The following CNNM2 variants were observed in gnomAD, a reference collection of about 807,000 sequenced individuals.
The protein encoded by CNNM2 is metal transporter CNNM2.
Under a neutral mutation model 66.9 loss-of-function variants are expected in CNNM2, and 12 were observed. That is an observed-to-expected ratio of 0.18 (90% CI 0.11 to 0.29). The LOEUF (loss-of-function observed/expected upper bound fraction) is 0.29. Among genes scored for constraint, CNNM2 ranks in the 10% least tolerant of loss-of-function variants. The pLI is 1.00. For missense variants in CNNM2, 705 were observed against 1,167.7 expected (o/e 0.60, Z 5.77); for synonymous variants, 557 against 501.8 (o/e 1.11, Z -1.47).
At chr10:103,052,719 G>C (rs1045659834) in intron 2 of CNNM2, among the ~76,000 whole-genome samples, 1 of 152,100 alleles carries the variant, frequency 6.6e-6, no homozygotes, top group Non-Finnish European at 1.5e-5. Flanking sequence ...TCACCATGTT[G>C]TTCAGGCTGG....
chr10:102,985,148 G>A (rs2063776917), intron 1 of CNNM2, among the ~76,000 whole-genome samples: 1 of 152,058 alleles, frequency 6.6e-6, no homozygotes, highest in African/African-American at 2.4e-5. Context: ...TTCCTGCTTT[G>A]TGTAGGAAAC....
chr10:102,944,253 A>C (rs1846531532), intron 1 of CNNM2, among the ~76,000 whole-genome samples: 2 of 151,640 alleles, frequency 1.3e-5, no homozygotes. Context: ...TAGTTTTTGT[A>C]TTTTTAATAA....
intron 1 of CNNM2, among the ~76,000 whole-genome samples, chr10:102,989,945 A>G (rs1383765458): frequency 2.7e-5 from 4 of 150,584 alleles, no homozygotes; most frequent in Non-Finnish European, 5.9e-5. Flanking sequence ...CATATCCATT[A>G]AACTTTTTTT....
At chr10:103,036,338 G>A (rs1564855220) in intron 1 of CNNM2, among the ~76,000 whole-genome samples, 1 of 152,160 alleles carries the variant, frequency 6.6e-6, no homozygotes, top group Non-Finnish European at 1.5e-5. Context: ...TTAAGGCCCG[G>A]CTTTTAAGGC....
At chr10:102,999,069 C>A (rs1157477148) in intron 1 of CNNM2, among the ~76,000 whole-genome samples, 1 of 147,418 alleles carries the variant, frequency 6.8e-6, no homozygotes, top group Admixed American at 6.9e-5. Flanking sequence ...GCTTATATTT[C>A]TTTTTTCTTT....
At chr10:102,957,868 A>G (rs1393661121) in intron 1 of CNNM2, among the ~76,000 whole-genome samples, 2 of 152,214 alleles carry the variant, frequency 1.3e-5, no homozygotes, top group Non-Finnish European at 2.9e-5. Flanking sequence ...AATATAGAAT[A>G]TAGTACTAAA....
chr10:102,925,833 T>G (rs1318738885), intron 1 of CNNM2, among the ~76,000 whole-genome samples: 1 of 152,232 alleles, frequency 6.6e-6, no homozygotes, highest in Admixed American at 6.5e-5. Flanking sequence ...TTTTATGTTT[T>G]ATTTTTATCT....
chr10:103,063,375 T>G (rs2065421145), intron 4 of CNNM2, among the ~76,000 whole-genome samples: 1 of 152,116 alleles, frequency 6.6e-6, no homozygotes, highest in Non-Finnish European at 1.5e-5. Flanking sequence ...CTGAATACTT[T>G]GTGATGGCGA....
intron 6 of CNNM2, among the ~76,000 whole-genome samples, chr10:103,075,389 A>G (rs2065671997): frequency 6.6e-6 from 1 of 152,192 alleles, no homozygotes; most frequent in African/African-American, 2.4e-5. Context: ...TTTAAGAGCA[A>G]CAACACCCAG....
At chr10:102,951,947 G>A (rs554794472) in intron 1 of CNNM2, among the ~76,000 whole-genome samples, 98 of 152,222 alleles carry the variant, frequency 6.4e-4, no homozygotes, top group Admixed American at 1.6e-3. Flanking sequence ...GGGATCACAG[G>A]CATGCGCCAC....
At chr10:102,973,956 C>T (rs2063586646) in intron 1 of CNNM2, among the ~76,000 whole-genome samples, 1 of 152,154 alleles carries the variant, frequency 6.6e-6, no homozygotes, top group Non-Finnish European at 1.5e-5. Flanking sequence ...GTCATTCATC[C>T]ATCTCCATGC....
rs754002718 is a variant in CNNM2 at position 102,919,137 on chromosome 10, G to T, written c.657G>T (p.Gly219=). Residue 219 remains glycine, a synonymous_variant, in exon 1 of 8, where the codon GGG becomes GGT. Transcript: ENST00000369878. The part of the protein sequence containing the change: ...GGAVGGKGGS[G]VAGLPPPPWA... Reference sequence around the variant, plus strand: ...CCGTCGGGGGCAAGGGTGGCTCGGGGGTGGCCGGGCTCCCGCCGCCCCCGT... The same window carrying T: ...CCGTCGGGGGCAAGGGTGGCTCGGGTGTGGCCGGGCTCCCGCCGCCCCCGT... The T allele has an allele frequency of 1.2e-6, 2 of 1,609,982 alleles. No individual in the cohort carries two copies. The highest frequency in any genetic ancestry group is 1.3e-5 in the African/African-American group (1 of 75,032).
At position 102,961,850 on chromosome 10, in the gene CNNM2, C is replaced by T. The variant is rs367943309; in HGVS notation, c.1621+41749C>T. On this transcript the variant is annotated intron_variant, in intron 1 of 7. Transcript: ENST00000369878. ...CTGAGGCAGGAGGATCACATGAGCCCAGAAGTTTGAGACCAGCCTGGGCAA... is the reference window on the plus strand; with the variant it reads ...CTGAGGCAGGAGGATCACATGAGCCTAGAAGTTTGAGACCAGCCTGGGCAA... 2.1e-4 allele frequency among the ~76,000 whole-genome samples: 32 copies of T among 151,636 alleles called. 1 individual carries two copies. In the East Asian group the frequency reaches 4.8e-3, roughly 23 times the overall value.
Position 103,042,732 on chromosome 10 carries a change from C to G in CNNM2, c.1622-6975C>G, listed in dbSNP as rs115364089. Among the ~76,000 whole-genome samples the G allele has an allele frequency of 4.6e-3, 708 of 152,280 alleles. 8 individuals are homozygous for G. Among genetic ancestry groups the G allele is most frequent in the African/African-American group, 0.017 (692 of 41,558 alleles). On this transcript the variant is annotated intron_variant, in intron 1 of 7. Transcript: ENST00000369878. ...TTCTCTCACTTGATCAGTTTGTTCA[C>G]TTGTAAATCTGACTAAATCCAATTG...
chr10:102,929,063 C>A (rs1845974646), intron 1 of CNNM2, among the ~76,000 whole-genome samples: 1 of 151,534 alleles, frequency 6.6e-6, no homozygotes, highest in Admixed American at 6.6e-5. Context: ...AGTTCAAGAC[C>A]AGCATGGCCA....
intron 1 of CNNM2, among the ~76,000 whole-genome samples, chr10:102,998,871 A>AG (rs992457137): frequency 3.3e-5 from 5 of 152,120 alleles, no homozygotes; most frequent in African/African-American, 1.2e-4. Context: ...GCAGGGTTGC[A>AG]GGGTACAAGA....
At chr10:103,016,136 C>T (rs907993663) in intron 1 of CNNM2, among the ~76,000 whole-genome samples, 5 of 152,080 alleles carry the variant, frequency 3.3e-5, no homozygotes, top group African/African-American at 9.7e-5. Flanking sequence ...CCCCAAGCCC[C>T]CCGCTTCCCC....
In CNNM2 at chr10:103,056,833, A is replaced by G; in HGVS notation, c.1942A>G (p.Ile648Val). ...TAGCCCATCCCAGATGTCAGAGAAG[A>G]TCCTTCTAAGGCTGCTAAAGCACCC... ...AFSPSQMSEK[I>V]LLRLLKHPNV... Residue 648 changes from isoleucine (I) to valine (V), a missense_variant, in exon 4 of 8, where the codon ATC becomes GTC. Physicochemically the swap from Ile to Val is conservative, Grantham distance 29. Transcript: ENST00000369878. 1 of 1,614,008 alleles carries G rather than the reference A, an allele frequency of 6.2e-7. No individual in the cohort carries two copies. The highest frequency in any genetic ancestry group is 1.1e-5 in the South Asian group (1 of 91,084).
rs1252503122 is a variant in CNNM2 at position 103,028,808 on chromosome 10, CTTTTTCT to C, written c.1622-20893_1622-20887del. On this transcript the variant is annotated intron_variant, in intron 1 of 7. Coordinates refer to ENST00000369878, the MANE Select transcript of CNNM2 (RefSeq NM_017649.5). Reference sequence around the variant, plus strand: ...CCATTTTCTTCTTTCTTTTCTTTTTCTTTTTCTTTTTTTTTTTTTCTTTTTTTTTTTT... The same window carrying C: ...CCATTTTCTTCTTTCTTTTCTTTTTCTTTTTTTTTTTTCTTTTTTTTTTTT... Among the ~76,000 whole-genome samples, 34 of 135,074 alleles carry C rather than the reference CTTTTTCT, an allele frequency of 2.5e-4. 1 individual carries two copies. Among genetic ancestry groups the C allele is most frequent in the African/African-American group, 8.5e-4 (31 of 36,466 alleles). 88.6% of individuals were successfully genotyped at this position (135,074 alleles called of 152,430 possible). A position where few individuals can be genotyped will look rare whatever the true frequency, so the allele number is the denominator to read the frequency against.
Sources: gnomAD v4.1 joint callset for allele counts (sites outside exome capture counted in the v4.1 genomes callset) on GRCh38, gnomAD v4.1.1 for gene constraint, MANE v1.5 for transcripts, NCBI Gene and HGNC (gene_info 2026-07-23, HGNC 2026-07-21) for gene names.